The following ALK variants were observed in gnomAD, a reference collection of about 807,000 sequenced individuals.
ALK encodes the protein ALK receptor tyrosine kinase.
Under a neutral mutation model 163.1 loss-of-function variants are expected in ALK, and 74 were observed. That is an observed-to-expected ratio of 0.45 (90% CI 0.38 to 0.55). The LOEUF (loss-of-function observed/expected upper bound fraction) is 0.55, where lower values mean the gene tolerates loss of function less well. Among genes scored for constraint, ALK ranks in the 20% least tolerant of loss-of-function variants. The pLI is 0.00. For synonymous variants in ALK, 960 were observed against 843.2 expected (o/e 1.14, Z -2.40); for missense variants, 2,063 against 2,105.3 (o/e 0.98, Z 0.39).
At chr2:29,694,679 T>C (rs934227335) in intron 3 of ALK, among the ~76,000 whole-genome samples, 171 bp downstream of exon 3, 6 of 152,220 alleles carry the variant, frequency 3.9e-5, no homozygotes, top group Admixed American at 6.5e-5. Flanking sequence ...GGGACTTGTC[T>C]TCCTCCCCTC....
chr2:29,646,905 G>A (rs1033037140), intron 3 of ALK, among the ~76,000 whole-genome samples: 1 of 152,102 alleles, frequency 6.6e-6, no homozygotes, highest in Admixed American at 6.6e-5. Flanking sequence ...CTTCCTATGA[G>A]TGTAAAAGGA....
chr2:29,443,988 T>C (rs1670607996), intron 4 of ALK, among the ~76,000 whole-genome samples: 1 of 152,234 alleles, frequency 6.6e-6, no homozygotes, highest in South Asian at 2.1e-4. Context: ...TTGCTCTTGT[T>C]ACGCCCAATT....
chr2:29,897,658 G>A (rs939761209), intron 1 of ALK, among the ~76,000 whole-genome samples: 67 of 152,268 alleles, frequency 4.4e-4, no homozygotes, highest in African/African-American at 1.5e-3. Context: ...GTTACCCTGG[G>A]ATTTGGTGAT....
At chr2:29,644,575 T>C (rs1676819311) in intron 3 of ALK, among the ~76,000 whole-genome samples, 1 of 71,474 alleles carries the variant, frequency 1.4e-5, no homozygotes, top group South Asian at 5.7e-4. Flanking sequence ...AGGTTTTTTT[T>C]TCCCCCCACT....
intron 4 of ALK, among the ~76,000 whole-genome samples, chr2:29,518,521 C>T (rs1166967718): frequency 6.6e-6 from 1 of 152,180 alleles, no homozygotes; most frequent in African/African-American, 2.4e-5. Context: ...TTCATGGTTC[C>T]TAACGGTGTC....
chr2:29,586,051 T>C (rs1447546911), intron 3 of ALK, among the ~76,000 whole-genome samples: 1 of 152,208 alleles, frequency 6.6e-6, no homozygotes, highest in East Asian at 1.9e-4. Context: ...CACAACCTCA[T>C]TGGCATTATT....
At chr2:29,794,662 GC>G (rs1185823233) in intron 1 of ALK, among the ~76,000 whole-genome samples, 5 of 152,114 alleles carry the variant, frequency 3.3e-5, no homozygotes, top group Admixed American at 1.3e-4. Flanking sequence ...GAACAGGGAA[GC>G]CCAAGGAGAT....
intron 4 of ALK, among the ~76,000 whole-genome samples, chr2:29,399,351 G>T (rs774676347): frequency 6.6e-6 from 1 of 152,180 alleles, no homozygotes; most frequent in South Asian, 2.1e-4. Flanking sequence ...ACAGCCAGGG[G>T]ACCCTCAGCT....
At chr2:29,694,552 TCCC>T in intron 3 of ALK, among the ~76,000 whole-genome samples, 2 of 152,328 alleles carry the variant, frequency 1.3e-5, no homozygotes, top group South Asian at 4.1e-4. Context: ...TATCTGGCAA[TCCC>T]ATTTCAAATA....
chr2:29,511,256 C>T (rs1021487781), intron 4 of ALK, among the ~76,000 whole-genome samples: 3 of 152,060 alleles, frequency 2.0e-5, no homozygotes, highest in African/African-American at 7.2e-5. Context: ...CCTCTCTCTA[C>T]CTTCCAAAAA....
At chr2:29,814,290 C>T (rs141835783) in intron 1 of ALK, among the ~76,000 whole-genome samples, 1 of 152,062 alleles carries the variant, frequency 6.6e-6, no homozygotes, top group Non-Finnish European at 1.5e-5. Context: ...AGTGGTGATC[C>T]TCCCAGTTCC....
chr2:29,918,620 T>C (rs927340794), intron 1 of ALK, among the ~76,000 whole-genome samples: 1 of 152,172 alleles, frequency 6.6e-6, no homozygotes, highest in Non-Finnish European at 1.5e-5. Context: ...CTGTTTTTCT[T>C]GGGGGTCACA....
chr2:29,784,453 T>C (rs1239625120), intron 1 of ALK, among the ~76,000 whole-genome samples: 2 of 152,096 alleles, frequency 1.3e-5, no homozygotes, highest in South Asian at 4.2e-4. Flanking sequence ...CCCAGCACTT[T>C]GGAAGGCTGA....
intron 1 of ALK, among the ~76,000 whole-genome samples, chr2:29,918,621 G>C (rs1454647230): frequency 1.3e-5 from 2 of 152,182 alleles, no homozygotes; most frequent in African/African-American, 4.8e-5. Flanking sequence ...TGTTTTTCTT[G>C]GGGGTCACAT....
intron 3 of ALK, among the ~76,000 whole-genome samples, chr2:29,561,817 C>G (rs898276703): frequency 6.6e-6 from 1 of 152,092 alleles, no homozygotes; most frequent in Non-Finnish European, 1.5e-5. Context: ...TGAAAATGAC[C>G]GGGGCCGGGC....
intron 1 of ALK, among the ~76,000 whole-genome samples, chr2:29,856,858 C>T (rs941797110): frequency 3.5e-4 from 54 of 152,310 alleles, no homozygotes; most frequent in African/African-American, 1.0e-3. Context: ...TTAGACAGGG[C>T]GCTGAATTGG....
intron 4 of ALK, among the ~76,000 whole-genome samples, chr2:29,434,716 A>C (rs1387366368): frequency 9.9e-5 from 15 of 152,218 alleles, no homozygotes; most frequent in Non-Finnish European, 4.4e-5. Context: ...CCAACAAAGG[A>C]AAGGCATTGA....
rs543751809 is a variant in ALK at position 29,820,630 on chromosome 2, A to T, written c.667+99363T>A. Among the ~76,000 whole-genome samples the T allele has an allele frequency of 6.3e-4, 96 of 152,362 alleles. 1 individual carries two copies. The highest frequency in any genetic ancestry group is 2.2e-3 in the African/African-American group (91 of 41,596). On this transcript the variant is annotated intron_variant, in intron 1 of 28. Transcript: ENST00000389048. ...CTGAAAAAGAAGCACGTCCCATGCC[A>T]TGAGAGAAGATGAAGATTCATGAGA...
At chr2:29,843,585 T>C (rs964918299) in intron 1 of ALK, among the ~76,000 whole-genome samples, 44 of 152,330 alleles carry the variant, frequency 2.9e-4, no homozygotes, top group African/African-American at 7.9e-4. Context: ...GTCCAAGTTC[T>C]GCCTGACGCT....
Sources: gnomAD v4.1 joint callset for allele counts (sites outside exome capture counted in the v4.1 genomes callset) on GRCh38, gnomAD v4.1.1 for gene constraint, MANE v1.5 for transcripts, NCBI Gene and HGNC (gene_info 2026-07-23, HGNC 2026-07-21) for gene names.